LRP2: variants seen among roughly 807,000 people sequenced by gnomAD.
LRP2 encodes LDL receptor related protein 2.
A neutral mutation model predicts 531.0 loss-of-function variants in LRP2; 172 were observed. The ratio of observed to expected loss-of-function variants is 0.32; its 90% CI spans 0.29 to 0.37. The LOEUF is 0.37. Ranked by LOEUF, LRP2 falls within the 10% of genes least tolerant of loss-of-function variation. LRP2 has a pLI of 1.00. For missense variants in LRP2, 5,167 were observed against 5,868.3 expected (o/e 0.88, Z 3.90); for synonymous variants, 1,992 against 2,027.6 (o/e 0.98, Z 0.47).
At chr2:169,145,999 T>C in intron 69 of LRP2, 76 bp from the exon 70 acceptor site, 1 of 1,270,308 alleles carries the variant, frequency 7.9e-7, no homozygotes, top group South Asian at 1.2e-5. Flanking sequence ...CCGCCACTTC[T>C]AGATCTGATG....
chr2:169,228,246 G>A (rs1054763570), intron 31 of LRP2, among the ~76,000 whole-genome samples: 3 of 150,268 alleles, frequency 2.0e-5, no homozygotes, highest in Non-Finnish European at 2.9e-5. Flanking sequence ...TGCAAATACC[G>A]CAGGCCAGGT....
intron 31 of LRP2, among the ~76,000 whole-genome samples, chr2:169,229,170 T>C (rs1358897201): frequency 6.6e-6 from 1 of 152,148 alleles, no homozygotes; most frequent in Non-Finnish European, 1.5e-5. Flanking sequence ...CAGAATCATC[T>C]AGGGTTGGAT....
Position 169,128,747 on chromosome 2 carries a change from TCTC to T in LRP2, c.13881_13883del (p.Arg4629del), listed in dbSNP as rs1558966285. 6.2e-7 allele frequency: 1 copy of T among 1,614,140 alleles called. No individual in the cohort carries two copies. The highest frequency in any genetic ancestry group is 1.7e-5 in the Admixed American group (1 of 60,016). Reference sequence around the variant, plus strand: ...CAGAATAGGTTGGAGTTGGGTCTCTTCTCGAAGGAGGCTTAGGCTTAGCAGGGA... The same window carrying T: ...CAGAATAGGTTGGAGTTGGGTCTCTTGAAGGAGGCTTAGGCTTAGCAGGGA... On this transcript the variant is annotated inframe_deletion, in exon 79 of 79. Coordinates refer to ENST00000649046, the MANE Select transcript of LRP2 (RefSeq NM_004525.3).
intron 18 of LRP2, among the ~76,000 whole-genome samples, chr2:169,256,884 A>G (rs1690325403): frequency 6.6e-6 from 1 of 152,082 alleles, no homozygotes; most frequent in Non-Finnish European, 1.5e-5. Flanking sequence ...AGCTTTCTCT[A>G]GCAATTTTCT....
intron 9 of LRP2, among the ~76,000 whole-genome samples, chr2:169,285,873 A>G (rs1574221250): frequency 6.6e-6 from 1 of 152,220 alleles, no homozygotes; most frequent in Non-Finnish European, 1.5e-5. Flanking sequence ...ATTCTTGATT[A>G]CCACCGAGGT....
chr2:169,182,354 C>A lies in LRP2; in HGVS notation c.9846-35G>T. ...AGAGCCAGGAGTTAACCAATACAGT[C>A]ACTTTGTGAAATGGTACATATTTAG... On this transcript the variant is annotated intron_variant, in intron 50 of 78. Transcript: ENST00000649046. 3 of 1,610,876 alleles carry A rather than the reference C, an allele frequency of 1.9e-6. No homozygotes were observed. In the South Asian group the frequency reaches 3.3e-5, roughly 18 times the overall value.
chr2:169,330,966 G>A (rs749098779), intron 1 of LRP2, among the ~76,000 whole-genome samples: 6 of 152,116 alleles, frequency 3.9e-5, no homozygotes, highest in Admixed American at 6.5e-5. Context: ...GCAATCTCAC[G>A]CTGCAGCTGC....
chr2:169,278,089 T>A, intron 12 of LRP2, 138 bp from the exon 13 acceptor site: 1 of 717,226 alleles, frequency 1.4e-6, no homozygotes, highest in Non-Finnish European at 2.4e-6. Flanking sequence ...ACAGGGAAAT[T>A]AAGTTGTTTT....
At chr2:169,213,629 T>A (rs374343631) in intron 36 of LRP2, 28 bp downstream of exon 36, 1 of 1,555,296 alleles carries the variant, frequency 6.4e-7, no homozygotes, top group Non-Finnish European at 8.9e-7. Flanking sequence ...TATACACCCA[T>A]GAATGTATTT....
At chr2:169,241,426 C>A in intron 24 of LRP2, 61 bp from the exon 25 acceptor site, 2 of 1,582,626 alleles carry the variant, frequency 1.3e-6, no homozygotes, top group Non-Finnish European at 1.7e-6. Context: ...CTTTTATAGT[C>A]TAGACTCAGA....
At chr2:169,342,965 C>G (rs1438483393) in intron 1 of LRP2, among the ~76,000 whole-genome samples, 2 of 152,184 alleles carry the variant, frequency 1.3e-5, no homozygotes, top group East Asian at 3.9e-4. Context: ...GACTGTGATT[C>G]TTACATGCTC....
At chr2:169,152,762 A>C (rs1414762511) in intron 67 of LRP2, 37 bp downstream of exon 67, 1 of 1,613,056 alleles carries the variant, frequency 6.2e-7, no homozygotes, top group South Asian at 1.1e-5. Flanking sequence ...AACCAGGAAA[A>C]CAGAACAGGT....
intron 1 of LRP2, among the ~76,000 whole-genome samples, chr2:169,323,929 CT>C (rs1361857322): frequency 6.6e-6 from 1 of 151,658 alleles, no homozygotes; most frequent in Non-Finnish European, 1.5e-5. Context: ...AAATAAAAAC[CT>C]TTTGTTAAGA....
In LRP2 at chr2:169,284,256, C is replaced by CTTTTTTTTTTT. The variant is rs1216987363; in HGVS notation, c.1043-1266_1043-1256dup. Among the ~76,000 whole-genome samples, 278 of 96,610 alleles carry CTTTTTTTTTTT rather than the reference C, an allele frequency of 2.9e-3. 12 individuals carry two copies. Among genetic ancestry groups the CTTTTTTTTTTT allele is most frequent in the African/African-American group, 0.011 (254 of 22,684 alleles). The allele number at this position is 96,610 out of a possible 152,430, so 63.4% of individuals were successfully genotyped here. On this transcript the variant is annotated intron_variant, in intron 9 of 78. Coordinates refer to ENST00000649046, the MANE Select transcript of LRP2 (RefSeq NM_004525.3). Reference sequence around the variant, plus strand: ...CTTTTCTTTTCTTTTTCTTTTTTTTCTTTTTTTTTTTTTTTTTTTTTTTTT... The same window carrying CTTTTTTTTTTT: ...CTTTTCTTTTCTTTTTCTTTTTTTTCTTTTTTTTTTTTTTTTTTTTTTTTTTTTTTTTTTTT...
intron 61 of LRP2, 140 bp from the exon 62 acceptor site, chr2:169,166,194 C>A: frequency 1.2e-6 from 1 of 814,946 alleles, no homozygotes; most frequent in Non-Finnish European, 2.0e-6. Context: ...TCAGCAGATA[C>A]ACCTTACATG....
At chr2:169,361,413 C>A (rs1686159099) in intron 1 of LRP2, among the ~76,000 whole-genome samples, 1 of 142,630 alleles carries the variant, frequency 7.0e-6, no homozygotes, top group African/African-American at 2.6e-5. Flanking sequence ...TCCTCTCTCT[C>A]CTCTCTCTCT....
intron 16 of LRP2, among the ~76,000 whole-genome samples, chr2:169,262,197 C>T (rs1199018368): frequency 6.8e-6 from 1 of 147,580 alleles, no homozygotes; most frequent in Non-Finnish European, 1.5e-5. Context: ...GACAGGGATG[C>T]CCTCTCTCAC....
At chr2:169,355,074 G>A (rs1685953997) in intron 1 of LRP2, among the ~76,000 whole-genome samples, 1 of 152,174 alleles carries the variant, frequency 6.6e-6, no homozygotes, top group South Asian at 2.1e-4. Context: ...TGATCGCTCA[G>A]CTCATTTTCC....
At chr2:169,342,722 A>G (rs1685598037) in intron 1 of LRP2, among the ~76,000 whole-genome samples, 2 of 152,040 alleles carry the variant, frequency 1.3e-5, no homozygotes, top group Admixed American at 6.6e-5. Flanking sequence ...TAGACCTCTC[A>G]CCCTGTAGCA....
Sources: gnomAD v4.1 joint callset for allele counts (sites outside exome capture counted in the v4.1 genomes callset) on GRCh38, gnomAD v4.1.1 for gene constraint, MANE v1.5 for transcripts, NCBI Gene and HGNC (gene_info 2026-07-23, HGNC 2026-07-21) for gene names.